The following RSRC1 variants were observed in gnomAD, a reference collection of about 807,000 sequenced individuals.
RSRC1 encodes arginine and serine rich coiled-coil 1, also known as serine/Arginine-related protein 53.
A neutral mutation model predicts 49.1 loss-of-function variants in RSRC1; 39 were observed. That is an observed-to-expected ratio of 0.79 (90% CI 0.61 to 1.04). RSRC1 has a LOEUF of 1.04. RSRC1 is among the 50% of genes least tolerant of loss of function. RSRC1 has a pLI of 0.00. For missense variants in RSRC1, 388 were observed against 402.4 expected (o/e 0.96, Z 0.31); for synonymous variants, 143 against 130.8 (o/e 1.09, Z -0.63).
intron 6 of RSRC1, among the ~76,000 whole-genome samples, chr3:158,432,389 G>C (rs1349926421): frequency 1.3e-5 from 2 of 151,838 alleles, no homozygotes; most frequent in African/African-American, 2.4e-5. Context: ...CAGTAACCAG[G>C]ACATAAGAGA....
chr3:158,302,174 A>G (rs924795161), intron 5 of RSRC1, among the ~76,000 whole-genome samples: 2 of 151,834 alleles, frequency 1.3e-5, no homozygotes, highest in African/African-American at 4.8e-5. Flanking sequence ...CCACAGTTGT[A>G]TAGATGCTGG....
In RSRC1 at chr3:158,203,180, T is replaced by TAAAGAGA. The variant is rs2108279740; in HGVS notation, c.441_447dup (p.Glu150ArgfsTer6). On this transcript the variant is annotated frameshift_variant, in exon 4 of 10. Coordinates refer to ENST00000611884, the MANE Select transcript of RSRC1 (RefSeq NM_001271838.2). LOFTEE classifies it high-confidence loss of function. ...ATAGAGAACGACGTAAGGGCAGAGA[T>TAAAGAGA]AAAGAGAAAAGAGAAAAGGAGAAGG... The TAAAGAGA allele has an allele frequency of 3.1e-6, 5 of 1,612,702 alleles. No homozygotes were observed. Among genetic ancestry groups the TAAAGAGA allele is most frequent in the Non-Finnish European group, 3.4e-6 (4 of 1,179,410 alleles).
chr3:158,481,265 T>A (rs1738604846), intron 7 of RSRC1, among the ~76,000 whole-genome samples: 1 of 152,098 alleles, frequency 6.6e-6, no homozygotes, highest in Admixed American at 6.6e-5. Flanking sequence ...CACTTCCTAA[T>A]CCCCATCAAG....
intron 6 of RSRC1, among the ~76,000 whole-genome samples, chr3:158,453,467 A>G (rs1737159364): frequency 6.6e-6 from 1 of 151,432 alleles, no homozygotes; most frequent in South Asian, 2.1e-4. Context: ...TGCAGCCTCA[A>G]ACTCCTGGGC....
chr3:158,514,471 G>A (rs1269285588), intron 7 of RSRC1, among the ~76,000 whole-genome samples: 2 of 152,256 alleles, frequency 1.3e-5, no homozygotes, highest in East Asian at 3.9e-4. Context: ...ATTGCACTGT[G>A]GTCTGAGAGA....
chr3:158,397,935 A>C (rs1176993826), intron 6 of RSRC1, among the ~76,000 whole-genome samples: 2 of 152,138 alleles, frequency 1.3e-5, no homozygotes, highest in Non-Finnish European at 2.9e-5. Flanking sequence ...TGGGAAGCTC[A>C]GAAATAATAT....
intron 4 of RSRC1, among the ~76,000 whole-genome samples, chr3:158,242,616 A>AATT: frequency 6.6e-6 from 1 of 152,266 alleles, no homozygotes; most frequent in Middle Eastern, 3.4e-3. Flanking sequence ...GTCTTTCAGG[A>AATT]GTTGCCACAC....
At chr3:158,332,210 A>G (rs917950514) in intron 5 of RSRC1, among the ~76,000 whole-genome samples, 1 of 152,136 alleles carries the variant, frequency 6.6e-6, no homozygotes, top group African/African-American at 2.4e-5. Flanking sequence ...TTCTGCCAAT[A>G]CTTTTTAATC....
At chr3:158,142,455 T>C (rs1379454973) in intron 3 of RSRC1, among the ~76,000 whole-genome samples, 2 of 152,148 alleles carry the variant, frequency 1.3e-5, no homozygotes, top group Non-Finnish European at 2.9e-5. Flanking sequence ...TTGCATCACT[T>C]AAAAAGGAAT....
rs576490647 is a variant in RSRC1, at chr3:158,506,692, T to C, written c.653-30400T>C. On this transcript the variant is annotated intron_variant, in intron 7 of 9. Coordinates refer to ENST00000611884, the MANE Select transcript of RSRC1 (RefSeq NM_001271838.2). ...AAATTAGTGGTTGCTGGCAAGGATG[T>C]AGACAAAAGGAAACCCACATACACT... 3.3e-5 allele frequency among the ~76,000 whole-genome samples: 5 copies of C among 151,700 alleles called. No individual in the cohort carries two copies. The East Asian group carries it at 9.7e-4, about 29-fold the overall frequency.
In RSRC1 at chr3:158,123,987, A is replaced by C. The variant is rs748649148; in HGVS notation, c.316A>C (p.Arg106=). Residue 106 remains arginine, a synonymous_variant, in exon 3 of 10, where the codon AGA becomes CGA. Transcript: ENST00000611884. Reference sequence around the variant, plus strand: ...GAGGTCTAGGTCAAAAAGCAGAACAAGAAGGTATGCCTTATTAAGTATTTA... The same window carrying C: ...GAGGTCTAGGTCAAAAAGCAGAACACGAAGGTATGCCTTATTAAGTATTTA... ...VQRSRSKSRT[R]RSRSRPRLRS... 9 of 1,594,240 alleles carry C rather than the reference A, an allele frequency of 5.6e-6. No homozygotes were observed. The African/African-American group carries it at 1.2e-4, about 22-fold the overall frequency.
At chr3:158,524,727 C>A (rs904711226) in intron 7 of RSRC1, among the ~76,000 whole-genome samples, 2 of 151,958 alleles carry the variant, frequency 1.3e-5, no homozygotes, top group East Asian at 3.9e-4. Context: ...GGTAGAGAGA[C>A]CTTGCTCAAC....
chr3:158,300,860 T>G (rs1727504381), intron 5 of RSRC1, among the ~76,000 whole-genome samples: 1 of 152,212 alleles, frequency 6.6e-6, no homozygotes, highest in African/African-American at 2.4e-5. Flanking sequence ...CTTGTTATAC[T>G]TGCTACCAGG....
At position 158,163,760 on chromosome 3, in the gene RSRC1, T is replaced by TGG. The variant is rs10685395; in HGVS notation, c.321-39312_321-39311insGG. Among the ~76,000 whole-genome samples, 31 of 21,456 alleles carry TGG rather than the reference T, an allele frequency of 1.4e-3. 1 individual carries two copies. The East Asian group carries it at 0.036, about 25-fold the overall frequency. The allele number at this position is 21,456 out of a possible 152,430, so 14.1% of individuals were successfully genotyped here. On this transcript the variant is annotated intron_variant, in intron 3 of 9. Coordinates refer to ENST00000611884, the MANE Select transcript of RSRC1 (RefSeq NM_001271838.2). ...CTACCTTTGCTACCCTTTATAGCAATTTTTTTTTTTTTAATGTTAGCAAGA... is the reference window on the plus strand; with the variant it reads ...CTACCTTTGCTACCCTTTATAGCAATGGTTTTTTTTTTTTAATGTTAGCAAGA...
At chr3:158,276,516 T>C in intron 4 of RSRC1, 1 of 556,772 alleles carries the variant, frequency 1.8e-6, no homozygotes, top group Non-Finnish European at 3.2e-6. Flanking sequence ...ATGTTACCCC[T>C]CTTTTCTCAA....
intron 7 of RSRC1, among the ~76,000 whole-genome samples, chr3:158,523,749 C>T (rs1222253726): frequency 6.6e-6 from 1 of 152,078 alleles, no homozygotes; most frequent in South Asian, 2.1e-4. Flanking sequence ...AAAACTCTCA[C>T]AAAATTGCCC....
At chr3:158,495,228 A>G (rs1448053509) in intron 7 of RSRC1, among the ~76,000 whole-genome samples, 1 of 152,102 alleles carries the variant, frequency 6.6e-6, no homozygotes, top group South Asian at 2.1e-4. Context: ...AATTTTCTTC[A>G]TATAAAGCAA....
At chr3:158,416,515 G>A (rs73170401) in intron 6 of RSRC1, among the ~76,000 whole-genome samples, 17,974 of 152,038 alleles carry the variant, frequency 0.12, 1,310 homozygotes, top group Middle Eastern at 0.19. Flanking sequence ...TGTTTTAGCT[G>A]ACAGCTCCAC....
intron 7 of RSRC1, among the ~76,000 whole-genome samples, chr3:158,505,114 A>G (rs945077911): frequency 1.3e-5 from 2 of 152,238 alleles, no homozygotes; most frequent in African/African-American, 2.4e-5. Flanking sequence ...TTGCAGGACT[A>G]TGTTGAGTAC....
Sources: gnomAD v4.1 joint callset for allele counts (sites outside exome capture counted in the v4.1 genomes callset) on GRCh38, gnomAD v4.1.1 for gene constraint, MANE v1.5 for transcripts, NCBI Gene and HGNC (gene_info 2026-07-23, HGNC 2026-07-21) for gene names.